LDLRAD4: variants seen among roughly 807,000 people sequenced by gnomAD.
LDLRAD4 encodes low density lipoprotein receptor class A domain containing 4, also known as low-density lipoprotein receptor class A domain-containing protein 4.
LDLRAD4 carries 5 observed loss-of-function variants against 17.0 expected under a neutral mutation model. That is an observed-to-expected ratio of 0.29 (90% confidence interval 0.15 to 0.62). The LOEUF (loss-of-function observed/expected upper bound fraction) is 0.62. Ranked by LOEUF, LDLRAD4 falls within the 20% of genes least tolerant of loss-of-function variation. The pLI is 0.84. For missense variants in LDLRAD4, 340 were observed against 424.7 expected, an observed-to-expected ratio of 0.80 and a Z score of 1.75; for synonymous variants, 168 against 171.8, an observed-to-expected ratio of 0.98 and a Z score of 0.17.
chr18:13,429,837 C>G (rs1178213554), intron 2 of LDLRAD4, among the ~76,000 whole-genome samples: 1 of 152,192 alleles, frequency 6.6e-6, no homozygotes, highest in Admixed American at 6.5e-5. Context: ...TGAAGTTGTT[C>G]AGAGGAAAAA....
At chr18:13,596,613 C>G (rs1336384004) in intron 3 of LDLRAD4, among the ~76,000 whole-genome samples, 14 of 152,134 alleles carry the variant, frequency 9.2e-5, no homozygotes. Flanking sequence ...CACATTAGCT[C>G]TCTATGTTAC....
chr18:13,439,985 T>G (rs572272601), intron 3 of LDLRAD4, among the ~76,000 whole-genome samples: 1 of 152,328 alleles, frequency 6.6e-6, no homozygotes, highest in South Asian at 2.1e-4. Flanking sequence ...TTCCAGGCGC[T>G]AAGCACTCAA....
Position 13,489,618 on chromosome 18 carries a change from C to T in LDLRAD4, c.181+51234C>T, listed in dbSNP as rs1424800456. Reference sequence around the variant, plus strand: ...TCAGTCTTAGCCAGCTTGGTCCACACCCTGTTTTTCAGGGTCAGGGCCTAG... The same window carrying T: ...TCAGTCTTAGCCAGCTTGGTCCACATCCTGTTTTTCAGGGTCAGGGCCTAG... On this transcript the variant is annotated intron_variant, in intron 3 of 5. Transcript: ENST00000359446. 3 of 152,214 alleles carry T rather than the reference C, an allele frequency of 2.0e-5. No homozygotes were observed. In the East Asian group the frequency reaches 5.8e-4, roughly 29 times the overall value. The allele number at this position is 152,214 out of a possible 1,614,324, so 9.4% of individuals were successfully genotyped here. A position where few individuals can be genotyped will look rare whatever the true frequency, so the allele number is the denominator to read the frequency against.
At chr18:13,559,591 T>C (rs772082546) in intron 3 of LDLRAD4, among the ~76,000 whole-genome samples, 1 of 152,240 alleles carries the variant, frequency 6.6e-6, no homozygotes, top group Non-Finnish European at 1.5e-5. Flanking sequence ...CTTACATGTA[T>C]ATATACATAT....
At chr18:13,452,398 T>C (rs1338355866) in intron 3 of LDLRAD4, among the ~76,000 whole-genome samples, 1 of 151,986 alleles carries the variant, frequency 6.6e-6, no homozygotes, top group Admixed American at 6.6e-5. Flanking sequence ...GGCTATCTCC[T>C]GGCAGAGGGA....
rs552204803 is a variant in LDLRAD4 at position 13,604,578 on chromosome 18, C to T, written c.182-16539C>T. On this transcript the variant is annotated intron_variant, in intron 3 of 5. Transcript: ENST00000359446. ...CTAACTCCTGAGTTAATAAACATCT[C>T]GAGCCTCATTTTCTGTGGTGTACCC... Among the ~76,000 whole-genome samples, 280 of 152,198 alleles carry T rather than the reference C, an allele frequency of 1.8e-3. 6 individuals carry two copies. The South Asian group carries it at 0.033, about 18-fold the overall frequency.
intron 1 of LDLRAD4, among the ~76,000 whole-genome samples, chr18:13,285,536 C>T (rs1223497617): frequency 1.3e-5 from 2 of 152,124 alleles, no homozygotes; most frequent in Non-Finnish European, 1.5e-5. Flanking sequence ...TTAAAGTTGG[C>T]GTGCTTCCTG....
intron 3 of LDLRAD4, among the ~76,000 whole-genome samples, chr18:13,581,771 G>C (rs1459826932): frequency 6.6e-6 from 1 of 152,182 alleles, no homozygotes; most frequent in Non-Finnish European, 1.5e-5. Context: ...TGCTGGATCT[G>C]AGAATCCTGA....
chr18:13,507,578 G>T lies in LDLRAD4; in HGVS notation c.181+69194G>T, dbSNP rs145387512. ...CCCCTCATTGGTCAGTGAGCACTTA[G>T]GTTGGCTCCATATCTTTGCAATTGT... On this transcript the variant is annotated intron_variant, in intron 3 of 5. Transcript: ENST00000359446. Among the ~76,000 whole-genome samples, 9 of 152,250 alleles carry T rather than the reference G, an allele frequency of 5.9e-5. No homozygotes were observed. In the East Asian group the frequency reaches 1.7e-3, roughly 29 times the overall value.
rs74644073 is a variant in LDLRAD4, at chr18:13,229,725, A to G, written c.-467+10737A>G. On this transcript the variant is annotated intron_variant, in intron 1 of 5. Coordinates refer to the LDLRAD4 transcript ENST00000399848. The stretch of plus-strand genomic sequence containing the variant: ...CGCTCCCTCCCTTCCCTCTCCTTCT[A>G]CTCTTTCCTCCTGTGTGCATTTTTA... 6.2e-3 allele frequency among the ~76,000 whole-genome samples: 937 copies of G among 151,834 alleles called. 6 individuals carry two copies. The highest frequency in any genetic ancestry group is 0.017 in the Middle Eastern group (5 of 294).
At chr18:13,565,799 A>G (rs1426484374) in intron 3 of LDLRAD4, among the ~76,000 whole-genome samples, 1 of 152,230 alleles carries the variant, frequency 6.6e-6, no homozygotes, top group African/African-American at 2.4e-5. Context: ...TGTAGCCTCT[A>G]GGACAGAGCT....
chr18:13,461,662 C>G (rs1253183623), intron 3 of LDLRAD4, among the ~76,000 whole-genome samples: 4 of 152,064 alleles, frequency 2.6e-5, no homozygotes, highest in African/African-American at 4.8e-5. Flanking sequence ...TGGTGTACAC[C>G]CTATGTAAAT....
intron 1 of LDLRAD4, among the ~76,000 whole-genome samples, chr18:13,332,272 A>G (rs78422194): frequency 0.03 from 4,548 of 152,300 alleles, 175 homozygotes; most frequent in African/African-American, 0.091. Flanking sequence ...AGCAGTTTTA[A>G]GTTCACAGCC....
intron 1 of LDLRAD4, among the ~76,000 whole-genome samples, chr18:13,233,578 T>A (rs2042189445): frequency 6.6e-6 from 1 of 152,170 alleles, no homozygotes; most frequent in South Asian, 2.1e-4. Flanking sequence ...TTTGTTCCCC[T>A]TCCCTCCCTG....
At chr18:13,449,164 A>G (rs1287901311) in intron 3 of LDLRAD4, among the ~76,000 whole-genome samples, 6 of 152,262 alleles carry the variant, frequency 3.9e-5, no homozygotes, top group Admixed American at 3.9e-4. Context: ...AGGAGTTTGC[A>G]GTAGTGAGCA....
At chr18:13,388,191 T>C (rs1599853158) in intron 2 of LDLRAD4, among the ~76,000 whole-genome samples, 1 of 152,192 alleles carries the variant, frequency 6.6e-6, no homozygotes, top group Non-Finnish European at 1.5e-5. Flanking sequence ...TCACATTTAT[T>C]TGTGTGCTTG....
intron 2 of LDLRAD4, among the ~76,000 whole-genome samples, chr18:13,395,651 C>A: frequency 1.5e-5 from 1 of 67,890 alleles, no homozygotes; most frequent in Non-Finnish European, 2.6e-5. Flanking sequence ...GGGGAGCTGG[C>A]GTGGGGGCAG....
At chr18:13,542,544 A>G (rs1281085866) in intron 3 of LDLRAD4, 1 of 152,008 alleles carries the variant, frequency 6.6e-6, no homozygotes, top group African/African-American at 2.4e-5. Context: ...TCCTGGGTGC[A>G]CTGTGTCGCC....
intron 3 of LDLRAD4, 79 bp downstream of exon 4, chr18:13,438,463 G>T (rs1481326584): frequency 5.3e-6 from 6 of 1,139,878 alleles, no homozygotes; most frequent in Non-Finnish European, 6.4e-6. Flanking sequence ...CTGGGACATG[G>T]GAAGGAGGTT....
Sources: gnomAD v4.1 joint callset for allele counts (sites outside exome capture counted in the v4.1 genomes callset) on GRCh38, gnomAD v4.1.1 for gene constraint, MANE v1.5 for transcripts, NCBI Gene and HGNC (gene_info 2026-07-23, HGNC 2026-07-21) for gene names.